Variants in CDR2L observed in about 807,000 individuals in gnomAD.
CDR2L encodes cerebellar degeneration-related protein 2-like.
Under a neutral mutation model 36.1 loss-of-function variants are expected in CDR2L, and 19 were observed. The ratio of observed to expected loss-of-function variants is 0.53; its 90% CI spans 0.37 to 0.77. The LOEUF (loss-of-function observed/expected upper bound fraction) is 0.77, where lower values mean the gene tolerates loss of function less well. Among genes scored for constraint, CDR2L ranks in the 30% least tolerant of loss-of-function variants. CDR2L has a pLI of 0.00. For missense variants in CDR2L, 575 were observed against 627.2 expected (o/e 0.92, Z 0.89); for synonymous variants, 285 against 280.4 (o/e 1.02, Z -0.16).
At chr17:74,991,097 G>A (rs890474696) in intron 1 of CDR2L, among the ~76,000 whole-genome samples, 1 of 152,180 alleles carries the variant, frequency 6.6e-6, no homozygotes, top group African/African-American at 2.4e-5. Context: ...ACTGCCACGA[G>A]CATTTATAAA....
At position 75,003,414 on chromosome 17, in the gene CDR2L, G is replaced by GC; in HGVS notation, c.739dup (p.Leu247ProfsTer38). On this transcript the variant is annotated frameshift_variant, in exon 5 of 5. Coordinates refer to ENST00000337231, the MANE Select transcript of CDR2L (RefSeq NM_014603.3). LOFTEE classifies it high-confidence loss of function. ...AGGCCTGTCGCCTGCGTGTGCAGGA[G>GC]CTGGAGGCCGAGCTGCTGGAGCTGC... The GC allele has an allele frequency of 6.4e-7, 1 of 1,572,804 alleles. No individual in the cohort carries two copies. The highest frequency in any genetic ancestry group is 1.2e-5 in the South Asian group (1 of 85,380).
intron 1 of CDR2L, among the ~76,000 whole-genome samples, chr17:74,997,031 C>T (rs1431759107): frequency 6.8e-6 from 1 of 148,086 alleles, no homozygotes; most frequent in African/African-American, 2.5e-5. Context: ...CCTATTCACC[C>T]TTTTCTTTCT....
At chr17:74,998,784 T>A (rs919382302) in intron 1 of CDR2L, among the ~76,000 whole-genome samples, 7 of 152,208 alleles carry the variant, frequency 4.6e-5, no homozygotes, top group African/African-American at 1.7e-4. Context: ...TGAGGCTGGC[T>A]TCTGGGTTGT....
intron 2 of CDR2L, among the ~76,000 whole-genome samples, chr17:74,999,854 G>T (rs1457974704): frequency 3.3e-5 from 5 of 151,918 alleles, no homozygotes; most frequent in East Asian, 1.9e-4. Flanking sequence ...TGTTGCCCAG[G>T]CTGGTCTCTA....
At position 74,999,533 on chromosome 17, in the gene CDR2L, A is replaced by G. The variant is rs1235654421; in HGVS notation, c.109A>G (p.Thr37Ala). Reference protein sequence around the residue: ...DLHLAAELGKTLLERNKELEG... With the variant: ...DLHLAAELGKALLERNKELEG... ...GCACCTAGCTGCGGAGCTGGGGAAG[A>G]CTCTGCTGGAGAGGAACAAGGAGCT... Residue 37 changes from threonine to alanine, a missense_variant, in exon 2 of 5, where the codon ACT becomes GCT. Physicochemically the swap from Thr to Ala is moderately conservative, Grantham distance 58. Coordinates refer to ENST00000337231, the MANE Select transcript of CDR2L (RefSeq NM_014603.3). The G allele has an allele frequency of 3.8e-6, 6 of 1,584,264 alleles. No individual in the cohort carries two copies. The Admixed American group carries it at 1.1e-4, about 29-fold the overall frequency.
At position 74,989,840 on chromosome 17, in the gene CDR2L, T is replaced by C. The variant is rs1302594873; in HGVS notation, c.79+1718T>C. 1.3e-5 allele frequency among the ~76,000 whole-genome samples: 2 copies of C among 152,084 alleles called. No individual in the cohort carries two copies. Among genetic ancestry groups the C allele is most frequent in the African/African-American group, 2.4e-5 (1 of 41,402 alleles). On this transcript the variant is annotated intron_variant, in intron 1 of 4. Coordinates refer to ENST00000337231, the MANE Select transcript of CDR2L (RefSeq NM_014603.3). This position sits in a 1 kb window ranked among gnomAD's most constrained non-coding sequence, Gnocchi z 4.2. ...TTTTAGTAGAGACAGGGTTTCACCATGTTGGCCAGGCTGCTCTCAAACTCC... is the reference window on the plus strand; with the variant it reads ...TTTTAGTAGAGACAGGGTTTCACCACGTTGGCCAGGCTGCTCTCAAACTCC...
chr17:75,000,342 G>A (rs1330890688), intron 2 of CDR2L, among the ~76,000 whole-genome samples: 1 of 127,416 alleles, frequency 7.8e-6, no homozygotes, highest in Non-Finnish European at 1.6e-5. Flanking sequence ...CTGTCACCCA[G>A]GCTGGAGTGC....
rs575897147 is a variant in CDR2L at position 75,002,004 on chromosome 17, C to T, written c.342-60C>T. 3.0e-4 allele frequency: 424 copies of T among 1,416,882 alleles called. 1 individual carries two copies. The highest frequency in any genetic ancestry group is 5.6e-4 in the South Asian group (37 of 66,374). The allele number at this position is 1,416,882 out of a possible 1,614,324, so 87.8% of individuals were successfully genotyped here. A position where few individuals can be genotyped will look rare whatever the true frequency, so the allele number is the denominator to read the frequency against. On this transcript the variant is annotated intron_variant, in intron 3 of 4. Coordinates refer to ENST00000337231, the MANE Select transcript of CDR2L (RefSeq NM_014603.3). This position sits in a 1 kb window ranked among gnomAD's most constrained non-coding sequence, Gnocchi z 4.1. ...TCCATCTTCAGGGAGCCAGGGCTGC[C>T]GTGAGGCAAACTGGCCCCATCCCCT...
Position 74,989,418 on chromosome 17 carries a change from C to CACACACAT in CDR2L, c.79+1303_79+1304insTACACACA, listed in dbSNP as rs2039783041. Among the ~76,000 whole-genome samples the CACACACAT allele has an allele frequency of 6.7e-6, 1 of 150,340 alleles. No individual in the cohort carries two copies. The highest frequency in any genetic ancestry group is 6.6e-5 in the Admixed American group (1 of 15,062). On this transcript the variant is annotated intron_variant, in intron 1 of 4. Coordinates refer to ENST00000337231, the MANE Select transcript of CDR2L (RefSeq NM_014603.3). The surrounding 1 kb of genome is among the most constrained non-coding windows in gnomAD (Gnocchi z 4.2). ...AGATACAGCTCCTCTCAAACACACA[C>CACACACAT]ACACACACACACACACACACACACA...
chr17:74,999,325 C>CACA, intron 1 of CDR2L, among the ~76,000 whole-genome samples, 179 bp from the exon 2 acceptor site: 1 of 151,094 alleles, frequency 6.6e-6, no homozygotes, highest in East Asian at 2.0e-4. Flanking sequence ...CAGACACACA[C>CACA]AAAAAGAACA....
At chr17:74,998,574 A>G (rs2039845055) in intron 1 of CDR2L, among the ~76,000 whole-genome samples, 1 of 152,080 alleles carries the variant, frequency 6.6e-6, no homozygotes, top group Non-Finnish European at 1.5e-5. Context: ...GCTGAAAAAG[A>G]TAAAGGAGTA....
At chr17:74,988,185 C>T (rs912753846) in intron 1 of CDR2L, 63 bp downstream of exon 1, 5 of 1,240,628 alleles carry the variant, frequency 4.0e-6, no homozygotes, top group Non-Finnish European at 5.5e-6. Flanking sequence ...GTCCGCTTCT[C>T]CATTGTTGGG....
chr17:74,999,551 A>G lies in CDR2L; in HGVS notation c.127A>G (p.Lys43Glu). 6.3e-7 allele frequency: 1 copy of G among 1,589,454 alleles called. No individual in the cohort carries two copies. The highest frequency in any genetic ancestry group is 8.6e-7 in the Non-Finnish European group (1 of 1,168,286). The change falls in exon 2 of 5, where the codon AAG becomes GAG. Residue 43 changes from lysine (K) to glutamate (E), a missense_variant. Transcript: ENST00000337231. Reference protein sequence around the residue: ...ELGKTLLERNKELEGSLQQMY... With the variant: ...ELGKTLLERNEELEGSLQQMY... ...GGGGAAGACTCTGCTGGAGAGGAAC[A>G]AGGAGCTGGAGGGGTCCCTGCAGCA... is the stretch of plus-strand genomic sequence containing the variant.
chr17:75,004,255 C>T lies in CDR2L; in HGVS notation c.*181C>T, dbSNP rs2144871034. The stretch of plus-strand genomic sequence containing the variant: ...GGAGGCAGCCCACCTGTCCTGCCTC[C>T]CAGGAGCCCTTGGCCACCTCGCGCC... On this transcript the variant is annotated 3_prime_UTR_variant, in exon 5 of 5. Transcript: ENST00000337231. 5.1e-6 allele frequency: 3 copies of T among 591,384 alleles called. No homozygotes were observed. Among genetic ancestry groups the T allele is most frequent in the Non-Finnish European group, 5.9e-6 (2 of 341,654 alleles). The allele number at this position is 591,384 out of a possible 1,614,324, so 36.6% of individuals were successfully genotyped here.
chr17:75,002,079 T>C lies in CDR2L; in HGVS notation c.357T>C (p.Ile119=). The change falls in exon 4 of 5, where the codon ATT becomes ATC. Residue 119 remains isoleucine (I), a synonymous_variant. Transcript: ENST00000337231. The surrounding 1 kb of genome is among the most constrained non-coding windows in gnomAD (Gnocchi z 4.1). The part of the protein sequence containing the change: ...QQKIHGLTET[I]ERLQAQVEEL... ...CCGCCCCCAGGCTGACGGAGACCAT[T>C]GAGCGCCTCCAGGCTCAGGTGGAGG... The C allele has an allele frequency of 3.8e-6, 6 of 1,595,492 alleles. No homozygotes were observed. Among genetic ancestry groups the C allele is most frequent in the Non-Finnish European group, 4.3e-6 (5 of 1,173,016 alleles).
intron 1 of CDR2L, among the ~76,000 whole-genome samples, chr17:74,996,456 A>AG (rs1286022564): frequency 6.6e-6 from 1 of 151,146 alleles, no homozygotes; most frequent in South Asian, 2.1e-4. Flanking sequence ...AAAAAAAAAA[A>AG]AAAGAAACAA....
chr17:75,000,643 A>C (rs1245236178), intron 2 of CDR2L, among the ~76,000 whole-genome samples: 1 of 147,852 alleles, frequency 6.8e-6, no homozygotes, highest in East Asian at 2.1e-4. Flanking sequence ...GGCCGGGCAC[A>C]GTGGCTCACA....
At position 75,001,257 on chromosome 17, in the gene CDR2L, CAAAA is replaced by C; in HGVS notation, c.193-80_193-77del. The C allele has an allele frequency of 3.2e-5, 43 of 1,349,992 alleles. No homozygotes were observed. The Middle Eastern group carries it at 1.9e-3, about 60-fold the overall frequency. The allele number at this position is 1,349,992 out of a possible 1,614,324, so 83.6% of individuals were successfully genotyped here. ...TCAAAAGAAAAGAAAAGAAAAAAGACAAAAAAAGAAGTAGGAGGGTCTAGGCAGA... is the reference window on the plus strand; with the variant it reads ...TCAAAAGAAAAGAAAAGAAAAAAGACAAAGAAGTAGGAGGGTCTAGGCAGA... On this transcript the variant is annotated intron_variant, in intron 2 of 4. Coordinates refer to ENST00000337231, the MANE Select transcript of CDR2L (RefSeq NM_014603.3).
chr17:75,001,574 T>C, intron 3 of CDR2L, 85 bp downstream of exon 3: 1 of 1,238,630 alleles, frequency 8.1e-7, no homozygotes, highest in Non-Finnish European at 1.1e-6. Context: ...CTGATGGGTG[T>C]GACTTGTGCA....
Sources: gnomAD v4.1 joint callset for allele counts (sites outside exome capture counted in the v4.1 genomes callset) on GRCh38, gnomAD v4.1.1 for gene constraint, Gnocchi (gnomAD v3.1) non-coding constraint, MANE v1.5 for transcripts, NCBI Gene and HGNC (gene_info 2026-07-23, HGNC 2026-07-21) for gene names.